The following KCNIP4 variants were observed in gnomAD, a reference collection of about 807,000 sequenced individuals.
The protein encoded by KCNIP4 is Kv channel-interacting protein 4.
KCNIP4 carries 12 observed loss-of-function variants against 34.0 expected under a neutral mutation model. That is an observed-to-expected ratio of 0.35 (90% CI 0.23 to 0.57). The LOEUF is 0.57. Among genes scored for constraint, KCNIP4 ranks in the 20% least tolerant of loss-of-function variants. The pLI is 0.83. For synonymous variants in KCNIP4, 124 were observed against 102.2 expected, an observed-to-expected ratio of 1.21 and a Z score of -1.29; for missense variants, 238 against 311.7, an observed-to-expected ratio of 0.76 and a Z score of 1.78.
At chr4:21,303,925 C>T (rs774886981) in intron 1 of KCNIP4, 1 of 1,613,332 alleles carries the variant, frequency 6.2e-7, no homozygotes, top group Non-Finnish European at 8.5e-7. Context: ...AGGTCATGGT[C>T]CGACCACAGC....
At chr4:21,445,244 T>C (rs1423871023) in intron 1 of KCNIP4, among the ~76,000 whole-genome samples, 2 of 152,146 alleles carry the variant, frequency 1.3e-5, no homozygotes, top group African/African-American at 4.8e-5. Flanking sequence ...AAGCTACCAA[T>C]GACTTTCTCA....
At chr4:21,364,532 C>A (rs71607071) in intron 1 of KCNIP4, among the ~76,000 whole-genome samples, 5,656 of 151,958 alleles carry the variant, frequency 0.037, 261 homozygotes, top group East Asian at 0.19. Flanking sequence ...TGTAATCCAC[C>A]GGTTAAAGAT....
chr4:21,948,609 C>T lies in KCNIP4; in HGVS notation c.23G>A (p.Ser8Asn). 1 of 1,613,700 alleles carries T rather than the reference C, an allele frequency of 6.2e-7. No homozygotes were observed. Among genetic ancestry groups the T allele is most frequent in the East Asian group, 2.2e-5 (1 of 44,834 alleles). The change falls in exon 1 of 9, where the codon AGC (serine) becomes AAC (asparagine). Residue 8 changes from serine to asparagine, a missense_variant. By Grantham distance (46) the Ser-to-Asn change is conservative. Transcript: ENST00000382152. MNVRRVE[S>N]ISAQLEEASS... is the part of the protein sequence containing the mutation. ...GGCCTCCTCCAGCTGAGCCGAAATG[C>T]TTTCCACCCTCCTCACATTCATGTC... is the stretch of plus-strand genomic sequence containing the variant.
intron 1 of KCNIP4, among the ~76,000 whole-genome samples, chr4:20,904,591 A>G (rs915481440): frequency 1.3e-5 from 2 of 152,160 alleles, no homozygotes. Context: ...TAACCAATGC[A>G]CAGCATTGAA....
At chr4:21,278,930 T>C (rs1432654690) in intron 1 of KCNIP4, among the ~76,000 whole-genome samples, 1 of 152,156 alleles carries the variant, frequency 6.6e-6, no homozygotes, top group Non-Finnish European at 1.5e-5. Flanking sequence ...ATGACTGTAA[T>C]AATGCAAGCC....
intron 1 of KCNIP4, among the ~76,000 whole-genome samples, chr4:21,347,253 C>T (rs1158499826): frequency 6.6e-6 from 1 of 152,144 alleles, no homozygotes; most frequent in Non-Finnish European, 1.5e-5. Flanking sequence ...TAGGGGAAGC[C>T]ATTATCTTCC....
intron 1 of KCNIP4, among the ~76,000 whole-genome samples, chr4:21,396,620 T>C (rs972642557): frequency 6.7e-6 from 1 of 148,528 alleles, no homozygotes; most frequent in Non-Finnish European, 1.5e-5. Context: ...GTTAGAGAGA[T>C]AGTTCAGGAT....
intron 1 of KCNIP4, among the ~76,000 whole-genome samples, chr4:21,231,356 ATGTTCCTCGCACAAAGT>A (rs1214504468): frequency 6.6e-6 from 1 of 152,134 alleles, no homozygotes; most frequent in East Asian, 1.9e-4. Context: ...GTATCTATGT[ATGTTCCTCGCACAAAGT>A]TGTTCCAGGT....
At chr4:21,558,303 C>T (rs1306838849) in intron 1 of KCNIP4, among the ~76,000 whole-genome samples, 1 of 152,012 alleles carries the variant, frequency 6.6e-6, no homozygotes, top group African/African-American at 2.4e-5. Flanking sequence ...ACCAGCCTGG[C>T]CAACATGGTG....
At chr4:20,827,808 CAAAA>C (rs11295104) in intron 3 of KCNIP4, among the ~76,000 whole-genome samples, 1 of 142,554 alleles carries the variant, frequency 7.0e-6, no homozygotes, top group Non-Finnish European at 1.5e-5. Context: ...CCATCCCCCT[CAAAA>C]AAAAAAAAAA....
intron 1 of KCNIP4, among the ~76,000 whole-genome samples, chr4:21,396,662 C>T (rs1159997295): frequency 6.6e-6 from 1 of 151,098 alleles, no homozygotes; most frequent in Non-Finnish European, 1.5e-5. Context: ...AACCAATATC[C>T]TCTGGGTGGG....
Position 20,906,476 on chromosome 4 carries a change from T to C in KCNIP4, c.62-23767A>G, listed in dbSNP as rs369556336. 1.6e-4 allele frequency among the ~76,000 whole-genome samples: 25 copies of C among 152,310 alleles called. No homozygotes were observed. The South Asian group carries it at 3.3e-3, about 20-fold the overall frequency. ...TCCTTCACTAATTCAGGCAACACGT[T>C]TCTGCCATGTCTGCCTTGCCAGGAA... On this transcript the variant is annotated intron_variant, in intron 1 of 8. Transcript: ENST00000382152.
At chr4:20,967,282 G>C (rs537757180) in intron 1 of KCNIP4, among the ~76,000 whole-genome samples, 20 of 151,954 alleles carry the variant, frequency 1.3e-4, no homozygotes, top group African/African-American at 4.6e-4. Context: ...TTACTCTCTC[G>C]ACACAAGAAA....
At chr4:21,201,308 A>G (rs987252906) in intron 1 of KCNIP4, among the ~76,000 whole-genome samples, 1 of 152,188 alleles carries the variant, frequency 6.6e-6, no homozygotes, top group Admixed American at 6.5e-5. Flanking sequence ...TGCTTTGAGA[A>G]CATTCAAGTT....
At position 20,973,544 on chromosome 4, in the gene KCNIP4, T is replaced by C. The variant is rs138953731; in HGVS notation, c.62-90835A>G. Among the ~76,000 whole-genome samples the C allele has an allele frequency of 4.4e-3, 674 of 152,350 alleles. 1 individual carries two copies. The highest frequency in any genetic ancestry group is 7.3e-3 in the Non-Finnish European group (500 of 68,034). ...TCACGTGTTCAGTGAAGTAGCACTT[T>C]TCCTTTGAGAACTATTTCTTTGTGT... On this transcript the variant is annotated intron_variant, in intron 1 of 8. Transcript: ENST00000382152.
intron 1 of KCNIP4, among the ~76,000 whole-genome samples, chr4:21,313,322 C>T (rs1189511814): frequency 6.6e-6 from 1 of 152,164 alleles, no homozygotes; most frequent in Non-Finnish European, 1.5e-5. Context: ...AGCTGACATG[C>T]TGTACTTCCT....
chr4:20,898,612 T>C (rs1314708849), intron 1 of KCNIP4, among the ~76,000 whole-genome samples: 1 of 152,170 alleles, frequency 6.6e-6, no homozygotes, highest in Non-Finnish European at 1.5e-5. Context: ...GTAAATTCCT[T>C]GAGGGCAGAG....
Position 20,803,015 on chromosome 4 carries a change from C to T in KCNIP4, c.289-44125G>A, listed in dbSNP as rs138751490. Among the ~76,000 whole-genome samples, 17 of 142,914 alleles carry T rather than the reference C, an allele frequency of 1.2e-4. No individual in the cohort carries two copies. In the East Asian group the frequency reaches 3.5e-3, roughly 30 times the overall value. 93.8% of individuals were successfully genotyped at this position (142,914 alleles called of 152,430 possible). A position where few individuals can be genotyped will look rare whatever the true frequency, so the allele number is the denominator to read the frequency against. On this transcript the variant is annotated intron_variant, in intron 3 of 8. Transcript: ENST00000382152. Reference sequence around the variant, plus strand: ...GCGTGAATCTGGGAGGCGTAGCATGCAGTGAGCAGAGATCGCTCCACTGCA... The same window carrying T: ...GCGTGAATCTGGGAGGCGTAGCATGTAGTGAGCAGAGATCGCTCCACTGCA...
At chr4:21,250,475 G>T (rs1259523018) in intron 1 of KCNIP4, among the ~76,000 whole-genome samples, 2 of 152,074 alleles carry the variant, frequency 1.3e-5, no homozygotes, top group Non-Finnish European at 2.9e-5. Context: ...TCATGAAGTG[G>T]AATCCTACTA....
Sources: allele counts gnomAD v4.1 joint callset (sites outside exome capture counted in the v4.1 genomes callset), GRCh38; gene constraint gnomAD v4.1.1; transcripts MANE v1.5; gene names NCBI Gene and HGNC (gene_info 2026-07-23, HGNC 2026-07-21).